SH3PXD2A: variants seen among roughly 807,000 people sequenced by gnomAD.
The protein encoded by SH3PXD2A is SH3 and PX domain-containing protein 2A.
SH3PXD2A carries 32 observed loss-of-function variants against 115.2 expected under a neutral mutation model. The observed-to-expected ratio is 0.28, with a 90% confidence interval of 0.21 to 0.37. The LOEUF (loss-of-function observed/expected upper bound fraction) is 0.37. SH3PXD2A is among the 10% of genes least tolerant of loss of function. The pLI is 1.00. For synonymous variants in SH3PXD2A, 610 were observed against 629.1 expected, an observed-to-expected ratio of 0.97 and a Z score of 0.45; for missense variants, 1,328 against 1,498.7, an observed-to-expected ratio of 0.89 and a Z score of 1.88.
intron 2 of SH3PXD2A, among the ~76,000 whole-genome samples, chr10:103,769,134 CTGTGTGTGTGTGTGTGTG>C (rs67426639): frequency 0.11 from 15,108 of 141,988 alleles, 1,079 homozygotes; most frequent in African/African-American, 0.2. Flanking sequence ...AGGCTAGACT[CTGTGTGTGTGTGTGTGTG>C]TGTGTGTGTG....
At chr10:103,787,027 A>G (rs1377352044) in intron 2 of SH3PXD2A, among the ~76,000 whole-genome samples, 2 of 152,194 alleles carry the variant, frequency 1.3e-5, no homozygotes, top group Non-Finnish European at 2.9e-5. Flanking sequence ...CTCAGGCCCT[A>G]GGGTCTCCTT....
intron 5 of SH3PXD2A, among the ~76,000 whole-genome samples, chr10:103,695,385 G>C (rs2037812651): frequency 6.6e-6 from 1 of 152,096 alleles, no homozygotes; most frequent in Non-Finnish European, 1.5e-5. Context: ...GCAAGCACTT[G>C]TACTCCCAGC....
intron 3 of SH3PXD2A, among the ~76,000 whole-genome samples, chr10:103,758,788 T>A (rs574699281): frequency 6.6e-6 from 1 of 152,346 alleles, no homozygotes; most frequent in African/African-American, 2.4e-5. Context: ...TGGCACACGG[T>A]GCCTCTCAGG....
At chr10:103,806,869 G>T (rs1390987670) in intron 1 of SH3PXD2A, among the ~76,000 whole-genome samples, 3 of 152,118 alleles carry the variant, frequency 2.0e-5, no homozygotes, top group Non-Finnish European at 4.4e-5. Context: ...CTCCCACCAT[G>T]CTCACTCTTG....
rs993346583 is a variant in SH3PXD2A at position 103,814,118 on chromosome 10, T to G, written c.73-12756A>C. Among the ~76,000 whole-genome samples, 7 of 152,332 alleles carry G rather than the reference T, an allele frequency of 4.6e-5. No homozygotes were observed. In the East Asian group the frequency reaches 1.3e-3, roughly 29 times the overall value. On this transcript the variant is annotated intron_variant, in intron 1 of 14. Coordinates refer to ENST00000369774, the MANE Select transcript of SH3PXD2A (RefSeq NM_001394015.1). The stretch of plus-strand genomic sequence containing the variant: ...CTTTAAGATATCTAGTTAGGGAGTT[T>G]GTACTGGGTGCTTTTTCTCAAAGTT...
At chr10:103,835,925 G>C (rs2039535055) in intron 1 of SH3PXD2A, among the ~76,000 whole-genome samples, 1 of 152,188 alleles carries the variant, frequency 6.6e-6, no homozygotes, top group Non-Finnish European at 1.5e-5. Context: ...CAAAGGCTTG[G>C]CTGAATCTCA....
At chr10:103,628,162 A>G (rs544019965) in intron 8 of SH3PXD2A, among the ~76,000 whole-genome samples, 1 of 152,276 alleles carries the variant, frequency 6.6e-6, no homozygotes, top group South Asian at 2.1e-4. Context: ...AGGCTCTGTG[A>G]TGGCTGCTGT....
chr10:103,720,957 C>G (rs2038174815), intron 5 of SH3PXD2A, among the ~76,000 whole-genome samples: 1 of 152,230 alleles, frequency 6.6e-6, no homozygotes, highest in African/African-American at 2.4e-5. Flanking sequence ...CTTCCTGAGC[C>G]TCAGACCTGT....
chr10:103,621,073 CTG>C (rs1371422905), intron 10 of SH3PXD2A, among the ~76,000 whole-genome samples: 1 of 152,084 alleles, frequency 6.6e-6, no homozygotes, highest in Admixed American at 6.5e-5. Context: ...GTGCCTGGGA[CTG>C]TGGATATGTG....
At chr10:103,663,093 C>T (rs1481547732) in intron 7 of SH3PXD2A, among the ~76,000 whole-genome samples, 4 of 152,248 alleles carry the variant, frequency 2.6e-5, no homozygotes, top group African/African-American at 9.6e-5. Flanking sequence ...GCATAGGCCA[C>T]TGCGACTGGC....
At chr10:103,661,165 C>A (rs376149646) in intron 7 of SH3PXD2A, 51 bp from the exon 8 acceptor site, 1 of 1,590,458 alleles carries the variant, frequency 6.3e-7, no homozygotes, top group Non-Finnish European at 8.6e-7. Context: ...CATGGCCCCG[C>A]GGCCAGGGCG....
intron 7 of SH3PXD2A, among the ~76,000 whole-genome samples, chr10:103,667,465 G>A (rs755191113): frequency 6.6e-6 from 1 of 152,216 alleles, no homozygotes; most frequent in African/African-American, 2.4e-5. Flanking sequence ...GCTCACTGGC[G>A]TGTGGAGAGG....
intron 11 of SH3PXD2A, among the ~76,000 whole-genome samples, chr10:103,614,830 T>C (rs1425769179): frequency 1.3e-5 from 2 of 150,762 alleles, no homozygotes; most frequent in African/African-American, 4.9e-5. Context: ...AAAAGGAATA[T>C]GAAAGCTGAA....
intron 2 of SH3PXD2A, among the ~76,000 whole-genome samples, chr10:103,794,272 A>G (rs1196833360): frequency 6.6e-6 from 1 of 152,214 alleles, no homozygotes; most frequent in Non-Finnish European, 1.5e-5. Flanking sequence ...CCAATGAGCA[A>G]ACCTGAACAA....
In SH3PXD2A at chr10:103,595,417, A is replaced by T. The variant is rs1004700270; in HGVS notation, c.*6399T>A. The stretch of plus-strand genomic sequence containing the variant: ...TTCACACAATTTTTCTTTCTAGAAG[A>T]CATCCGCTTCTGGAAGCCTCCTTCC... On this transcript the variant is annotated 3_prime_UTR_variant, in exon 15 of 15. Transcript: ENST00000369774. The T allele has an allele frequency of 1.3e-5, 2 of 152,252 alleles. No individual in the cohort carries two copies. The highest frequency in any genetic ancestry group is 2.9e-5 in the Non-Finnish European group (2 of 68,072). 9.4% of individuals were successfully genotyped at this position (152,252 alleles called of 1,614,324 possible). A position where few individuals can be genotyped will look rare whatever the true frequency, so the allele number is the denominator to read the frequency against.
At position 103,627,587 on chromosome 10, in the gene SH3PXD2A, A is replaced by G. The variant is rs957626048; in HGVS notation, c.605-385T>C. On this transcript the variant is annotated intron_variant, in intron 8 of 14. Coordinates refer to ENST00000369774, the MANE Select transcript of SH3PXD2A (RefSeq NM_001394015.1). This position sits in a 1 kb window ranked among gnomAD's most constrained non-coding sequence, Gnocchi z 4.4. ...CCATTAGGATGACTGGTTTGCCTGGAGCTTGGCTGCCTTCTCAGCTTTCAA... is the reference window on the plus strand; with the variant it reads ...CCATTAGGATGACTGGTTTGCCTGGGGCTTGGCTGCCTTCTCAGCTTTCAA... 1.3e-5 allele frequency among the ~76,000 whole-genome samples: 2 copies of G among 152,200 alleles called. No homozygotes were observed. Among genetic ancestry groups the G allele is most frequent in the Admixed American group, 1.3e-4 (2 of 15,268 alleles).
Position 103,602,069 on chromosome 10 carries a change from C to A in SH3PXD2A, c.3149G>T (p.Arg1050Leu), listed in dbSNP as rs368557851. 1 of 1,602,906 alleles carries A rather than the reference C, an allele frequency of 6.2e-7. No homozygotes were observed. The part of the protein sequence containing the change: ...GSDSPLLPAQ[R>L]NSIPVSPVRP... ...CACAGGGGACACGGGTATGCTGTTGCGCTGGGCGGGCAGTAGGGGTGAGTC... is the reference window on the plus strand; with the variant it reads ...CACAGGGGACACGGGTATGCTGTTGAGCTGGGCGGGCAGTAGGGGTGAGTC... Residue 1050 changes from arginine (R) to leucine (L), a missense_variant, in exon 15 of 15, where the codon CGC becomes CTC. By Grantham distance (102) the Arg-to-Leu change is moderately radical. Around this residue, in one of 5 missense-constraint regions of SH3PXD2A, gnomAD observed 574 missense variants for 565.7 expected, o/e 1.01. Coordinates refer to ENST00000369774, the MANE Select transcript of SH3PXD2A (RefSeq NM_001394015.1).
chr10:103,752,451 G>A (rs570526209), intron 3 of SH3PXD2A, among the ~76,000 whole-genome samples: 7 of 152,176 alleles, frequency 4.6e-5, no homozygotes, highest in Admixed American at 3.9e-4. Flanking sequence ...GCTCAGAGAA[G>A]GGCTGTGACT....
chr10:103,627,869 G>A lies in SH3PXD2A; in HGVS notation c.605-667C>T, dbSNP rs1223074884. Among the ~76,000 whole-genome samples the A allele has an allele frequency of 6.6e-6, 1 of 152,156 alleles. No individual in the cohort carries two copies. The highest frequency in any genetic ancestry group is 1.5e-5 in the Non-Finnish European group (1 of 68,024). On this transcript the variant is annotated intron_variant, in intron 8 of 14. Coordinates refer to ENST00000369774, the MANE Select transcript of SH3PXD2A (RefSeq NM_001394015.1). This position sits in a 1 kb window ranked among gnomAD's most constrained non-coding sequence, Gnocchi z 4.4. ...CTTGGGACTCCACTAACTGCCTTTG[G>A]TCCCTTCCGAGAAGGTCCTCTTCAC...
Sources: allele counts gnomAD v4.1 joint callset (sites outside exome capture counted in the v4.1 genomes callset), GRCh38; gene constraint gnomAD v4.1.1; regional missense constraint gnomAD v4.1.1; non-coding constraint Gnocchi (gnomAD v3.1); transcripts MANE v1.5; gene names NCBI Gene and HGNC (gene_info 2026-07-23, HGNC 2026-07-21).